UBR3: variants seen among roughly 807,000 people sequenced by gnomAD.
The protein encoded by UBR3 is ubiquitin protein ligase E3 component n-recognin 3.
A neutral mutation model predicts 243.2 loss-of-function variants in UBR3; 85 were observed. The observed-to-expected ratio is 0.35, with a 90% CI of 0.29 to 0.42. UBR3 has a LOEUF of 0.42. UBR3 is among the 10% of genes least tolerant of loss of function. The probability of loss-of-function intolerance (pLI) is 1.00; values close to 1 mark genes in which losing one functional copy is unlikely to be tolerated. For synonymous variants in UBR3, 748 were observed against 799.8 expected (o/e 0.94, Z 1.09); for missense variants, 1,686 against 2,300.8 (o/e 0.73, Z 5.47).
chr2:169,924,309 TG>T, intron 13 of UBR3, 136 bp downstream of exon 13: 1 of 668,344 alleles, frequency 1.5e-6, no homozygotes, highest in South Asian at 2.3e-5. Context: ...ATTGTATTTT[TG>T]CTAGATTATG....
At chr2:169,975,448 G>A (rs62171978) in intron 24 of UBR3, among the ~76,000 whole-genome samples, 1 of 152,140 alleles carries the variant, frequency 6.6e-6, no homozygotes, top group Non-Finnish European at 1.5e-5. Flanking sequence ...GAAATGTTCT[G>A]TAAAAGTCTG....
In UBR3 at chr2:169,891,182, T is replaced by A. The variant is rs1255837379; in HGVS notation, c.1056T>A (p.Ser352Arg). Residue 352 changes from serine (S) to arginine (R), a missense_variant, in exon 6 of 39, where the codon AGT (serine) becomes AGA (arginine). Ser to Arg is a moderately radical substitution (Grantham distance 110). This residue lies in a region of UBR3 where 200 missense variants were observed against 231.6 expected (regional missense o/e 0.86). Transcript: ENST00000272793. ...TCCTTCAGGATGATCAGGATGGTAG[T>A]CAAGGTCTGGGCAAGAGAAAAAGGG... ...DSSDEDDQDG[S>R]QGLGKRKRVK... is the part of the protein sequence containing the mutation. The A allele has an allele frequency of 1.9e-6, 3 of 1,549,886 alleles. No homozygotes were observed. The highest frequency in any genetic ancestry group is 2.7e-5 in the African/African-American group (2 of 72,988).
intron 24 of UBR3, among the ~76,000 whole-genome samples, chr2:169,983,902 A>G (rs1042614335): frequency 3.9e-5 from 6 of 152,252 alleles, no homozygotes; most frequent in Admixed American, 3.9e-4. Flanking sequence ...AATTTTATAC[A>G]GAAACCCTTT....
chr2:170,043,950 G>GA (rs1209423437), intron 32 of UBR3, among the ~76,000 whole-genome samples: 2 of 151,992 alleles, frequency 1.3e-5, no homozygotes, highest in Admixed American at 6.6e-5. Flanking sequence ...TAGGGTCAGA[G>GA]AAAAAAATGC....
At chr2:169,831,350 A>G (rs2081936578) in intron 1 of UBR3, among the ~76,000 whole-genome samples, 3 of 149,374 alleles carry the variant, frequency 2.0e-5, no homozygotes, top group South Asian at 4.3e-4. Context: ...GGGTTTCTCC[A>G]TGTTGGTCAG....
At chr2:170,076,013 A>G (rs893775382) in intron 36 of UBR3, among the ~76,000 whole-genome samples, 4 of 152,056 alleles carry the variant, frequency 2.6e-5, no homozygotes, top group African/African-American at 9.7e-5. Context: ...AACCACAAAT[A>G]TCTCTGCTCT....
intron 24 of UBR3, among the ~76,000 whole-genome samples, chr2:169,968,058 T>A (rs1385790693): frequency 6.6e-6 from 1 of 152,014 alleles, no homozygotes; most frequent in Non-Finnish European, 1.5e-5. Context: ...TTCATTCTTT[T>A]AAAAAAATTT....
chr2:169,922,600 C>T (rs1438085008), intron 11 of UBR3, among the ~76,000 whole-genome samples: 1 of 152,100 alleles, frequency 6.6e-6, no homozygotes, highest in African/African-American at 2.4e-5. Context: ...TAGCTACTCC[C>T]CATTTCCTCT....
intron 25 of UBR3, among the ~76,000 whole-genome samples, chr2:169,989,785 T>C (rs1033900262): frequency 6.6e-6 from 1 of 152,132 alleles, no homozygotes; most frequent in Non-Finnish European, 1.5e-5. Context: ...TAGTGAACTG[T>C]TTTTAATCAT....
chr2:169,914,283 G>T, intron 11 of UBR3, 137 bp downstream of exon 11: 1 of 411,248 alleles, frequency 2.4e-6, no homozygotes. Flanking sequence ...CATATTATTA[G>T]GCTTTGAAAA....
intron 31 of UBR3, among the ~76,000 whole-genome samples, chr2:170,031,834 G>T: frequency 6.6e-6 from 1 of 152,146 alleles, no homozygotes; most frequent in South Asian, 2.1e-4. Context: ...CTGCATCCAT[G>T]TTGTGACAAA....
At chr2:170,017,499 G>A (rs993686036) in intron 30 of UBR3, among the ~76,000 whole-genome samples, 3 of 150,274 alleles carry the variant, frequency 2.0e-5, no homozygotes, top group East Asian at 2.0e-4. Flanking sequence ...AGAGGATTGC[G>A]TAATGCCTGG....
chr2:169,878,713 G>A (rs2083709786), intron 5 of UBR3, 139 bp downstream of exon 5: 1 of 791,998 alleles, frequency 1.3e-6, no homozygotes, highest in Non-Finnish European at 1.9e-6. Flanking sequence ...TCATTCTATA[G>A]ACAAGGACAC....
At chr2:169,948,079 GTT>G (rs35694669) in intron 22 of UBR3, 919 of 251,372 alleles carry the variant, frequency 3.7e-3, no homozygotes, top group Non-Finnish European at 5.1e-3. Context: ...ATTTATGTGT[GTT>G]TTTTTTTTTT....
chr2:169,852,817 C>A (rs574984815), intron 1 of UBR3, among the ~76,000 whole-genome samples: 2 of 130,182 alleles, frequency 1.5e-5, no homozygotes, highest in African/African-American at 5.9e-5. Flanking sequence ...CACCACTTCA[C>A]TCCAGCCTGG....
chr2:169,977,828 G>T (rs1034168834), intron 24 of UBR3, among the ~76,000 whole-genome samples: 1 of 152,084 alleles, frequency 6.6e-6, no homozygotes, highest in Non-Finnish European at 1.5e-5. Context: ...TTGACACCTC[G>T]TATTAGCCAT....
intron 24 of UBR3, among the ~76,000 whole-genome samples, chr2:169,971,010 T>C (rs1368726421): frequency 2.0e-4 from 30 of 147,392 alleles, no homozygotes; most frequent in Middle Eastern, 7.0e-3. Context: ...TTTTAATGAT[T>C]GCCATTCTAA....
intron 5 of UBR3, 44 bp downstream of exon 5, chr2:169,878,618 GCTTTTTTATA>G (rs1433297313): frequency 8.1e-6 from 12 of 1,488,300 alleles, no homozygotes; most frequent in Non-Finnish European, 1.0e-5. Flanking sequence ...ACAATTTTGT[GCTTTTTTATA>G]CTTTTTTATT....
At chr2:169,995,352 T>G (rs1367134422) in intron 26 of UBR3, among the ~76,000 whole-genome samples, 2 of 152,222 alleles carry the variant, frequency 1.3e-5, no homozygotes, top group Non-Finnish European at 2.9e-5. Context: ...AATCGTTATC[T>G]TGTTTTTATT....
Sources: allele counts gnomAD v4.1 joint callset (sites outside exome capture counted in the v4.1 genomes callset), GRCh38; gene constraint gnomAD v4.1.1; regional missense constraint gnomAD v4.1.1; transcripts MANE v1.5; gene names NCBI Gene and HGNC (gene_info 2026-07-23, HGNC 2026-07-21).